Variants in KIF26B observed in about 807,000 individuals in gnomAD.
The protein encoded by KIF26B is kinesin family member 26B.
In KIF26B, 63 loss-of-function variants were observed where a neutral mutation model predicts 151.2. That is an observed-to-expected ratio of 0.42 (90% CI 0.34 to 0.51). The LOEUF is 0.51. Ranked by LOEUF, KIF26B falls within the 20% of genes least tolerant of loss-of-function variation. The pLI is 0.07. For missense variants in KIF26B, 2,813 were observed against 2,913.6 expected (o/e 0.97, Z 0.79); for synonymous variants, 1,357 against 1,262.1 (o/e 1.08, Z -1.59).
At chr1:245,694,956 C>T (rs1359260646) in intron 12 of KIF26B, among the ~76,000 whole-genome samples, 1 of 152,204 alleles carries the variant, frequency 6.6e-6, no homozygotes, top group African/African-American at 2.4e-5. Flanking sequence ...CAGCAGGAGG[C>T]TGGCCCTGGC....
intron 2 of KIF26B, among the ~76,000 whole-genome samples, chr1:245,317,042 A>G (rs57249679): frequency 0.1 from 15,467 of 151,810 alleles, 1,040 homozygotes; most frequent in African/African-American, 0.19. Flanking sequence ...GTTGATTTGG[A>G]TTTTCTGTAC....
chr1:245,634,137 T>C (rs1425440559), intron 9 of KIF26B, among the ~76,000 whole-genome samples: 1 of 152,238 alleles, frequency 6.6e-6, no homozygotes, highest in African/African-American at 2.4e-5. Context: ...TCTAATTGTT[T>C]GTTACTATGA....
chr1:245,587,269 A>G (rs1558226238), intron 5 of KIF26B, among the ~76,000 whole-genome samples: 1 of 152,178 alleles, frequency 6.6e-6, no homozygotes, highest in Non-Finnish European at 1.5e-5. Context: ...ACTGAACCCC[A>G]GTACACAACT....
At chr1:245,607,932 C>A (rs1207339524) in intron 7 of KIF26B, among the ~76,000 whole-genome samples, 188 bp downstream of exon 7, 1 of 152,198 alleles carries the variant, frequency 6.6e-6, no homozygotes, top group Admixed American at 6.5e-5. Flanking sequence ...GACACCCATT[C>A]ATGTAGGAAA....
intron 4 of KIF26B, among the ~76,000 whole-genome samples, chr1:245,424,357 A>C (rs1658572271): frequency 6.6e-6 from 1 of 152,216 alleles, no homozygotes; most frequent in African/African-American, 2.4e-5. Flanking sequence ...CATGTTGCCC[A>C]GGCTGGTCTT....
chr1:245,280,535 A>AAAAAAAAAAAG (rs1671024080), intron 2 of KIF26B, among the ~76,000 whole-genome samples: 1 of 147,030 alleles, frequency 6.8e-6, no homozygotes, highest in Non-Finnish European at 1.5e-5. Flanking sequence ...TGTCTCAAAA[A>AAAAAAAAAAAG]AAAAAAGAAA....
intron 2 of KIF26B, among the ~76,000 whole-genome samples, chr1:245,336,319 G>A (rs529748091): frequency 6.6e-6 from 1 of 152,360 alleles, no homozygotes; most frequent in South Asian, 2.1e-4. Flanking sequence ...TAGAGTGAGT[G>A]GGCCATCAGA....
At chr1:245,164,905 T>C (rs1193814007) in intron 2 of KIF26B, among the ~76,000 whole-genome samples, 1 of 151,940 alleles carries the variant, frequency 6.6e-6, no homozygotes, top group Non-Finnish European at 1.5e-5. Flanking sequence ...AAACCCCGTC[T>C]CTACTAAAAA....
chr1:245,690,915 C>T (rs574294688), intron 12 of KIF26B, among the ~76,000 whole-genome samples: 96 of 152,312 alleles, frequency 6.3e-4, no homozygotes, highest in African/African-American at 2.2e-3. Context: ...GGCATTGAAA[C>T]GTATTGATGA....
intron 5 of KIF26B, among the ~76,000 whole-genome samples, chr1:245,543,818 CGT>C (rs1661677710): frequency 6.6e-6 from 1 of 152,098 alleles, no homozygotes; most frequent in Non-Finnish European, 1.5e-5. Context: ...CTTGGCGGCA[CGT>C]ACCTGTAATC....
chr1:245,265,201 CAAAAAAAA>C (rs59716075), intron 2 of KIF26B, among the ~76,000 whole-genome samples: 1 of 47,428 alleles, frequency 2.1e-5, no homozygotes, highest in Non-Finnish European at 4.6e-5. Flanking sequence ...GACTCCATCT[CAAAAAAAA>C]AAAAAAAAAA....
intron 2 of KIF26B, among the ~76,000 whole-genome samples, chr1:245,259,048 G>C (rs1030372125): frequency 6.6e-6 from 1 of 152,202 alleles, no homozygotes; most frequent in Non-Finnish European, 1.5e-5. Flanking sequence ...TGCTCCATGG[G>C]TTGGGAGATG....
At chr1:245,607,046 A>G (rs1484256197) in intron 6 of KIF26B, among the ~76,000 whole-genome samples, 1 of 146,510 alleles carries the variant, frequency 6.8e-6, no homozygotes, top group Non-Finnish European at 1.5e-5. Context: ...AGCCTGGGCA[A>G]CGAGACTGAA....
rs888588237 is a variant in KIF26B, at chr1:245,241,080, TG to T, written c.465+84398del. 2.1e-4 allele frequency among the ~76,000 whole-genome samples: 32 copies of T among 152,276 alleles called. No individual in the cohort carries two copies. Among genetic ancestry groups the T allele is most frequent in the African/African-American group, 7.7e-4 (32 of 41,548 alleles). On this transcript the variant is annotated intron_variant, in intron 2 of 14. Coordinates refer to ENST00000407071, the MANE Select transcript of KIF26B (RefSeq NM_018012.4). The surrounding 1 kb of genome is among the most constrained non-coding windows in gnomAD (Gnocchi z 5.0). ...GTATTGCCAAGCCTTATTAAGCAGC[TG>T]TTTATTGGGTCAGAATACACCTGTC...
At chr1:245,357,299 T>A (rs532789778) in intron 2 of KIF26B, among the ~76,000 whole-genome samples, 16 of 152,340 alleles carry the variant, frequency 1.1e-4, no homozygotes, top group Non-Finnish European at 1.8e-4. Context: ...AAGTTATCAT[T>A]ACTATTCAAA....
At chr1:245,671,337 C>T (rs540854973) in intron 10 of KIF26B, among the ~76,000 whole-genome samples, 298 of 152,264 alleles carry the variant, frequency 2.0e-3, no homozygotes, top group African/African-American at 7.0e-3. Flanking sequence ...TAATATAACA[C>T]GGATGTACCT....
At chr1:245,243,481 T>TATAC (rs879880728) in intron 2 of KIF26B, among the ~76,000 whole-genome samples, 3,156 of 151,588 alleles carry the variant, frequency 0.021, 42 homozygotes, top group African/African-American at 0.024. Flanking sequence ...CATATATATA[T>TATAC]ACACACATAC....
chr1:245,451,813 T>C (rs1193343500), intron 4 of KIF26B, among the ~76,000 whole-genome samples: 1 of 152,064 alleles, frequency 6.6e-6, no homozygotes, highest in Admixed American at 6.6e-5. Context: ...TTGGCCAGCC[T>C]GGTCTTGAAC....
At chr1:245,414,593 G>C (rs1041782264) in intron 3 of KIF26B, among the ~76,000 whole-genome samples, 1 of 152,212 alleles carries the variant, frequency 6.6e-6, no homozygotes, top group African/African-American at 2.4e-5. Context: ...GTGCTGCGGG[G>C]CTCACGTATG....
Sources: gnomAD v4.1 joint callset for allele counts (sites outside exome capture counted in the v4.1 genomes callset) on GRCh38, gnomAD v4.1.1 for gene constraint, Gnocchi (gnomAD v3.1) non-coding constraint, MANE v1.5 for transcripts, NCBI Gene and HGNC (gene_info 2026-07-23, HGNC 2026-07-21) for gene names.